TEAD1: variants seen among roughly 807,000 people sequenced by gnomAD.
TEAD1 encodes the protein transcriptional enhancer factor TEF-1.
In TEAD1, 9 loss-of-function variants were observed where a neutral mutation model predicts 54.9. The ratio of observed to expected loss-of-function variants is 0.16; its 90% CI spans 0.10 to 0.29. TEAD1 has a LOEUF of 0.29. TEAD1 is among the 10% of genes least tolerant of loss of function. The probability of loss-of-function intolerance (pLI) is 1.00; values close to 1 mark genes in which losing one functional copy is unlikely to be tolerated. For missense variants in TEAD1, 387 were observed against 535.9 expected, an observed-to-expected ratio of 0.72 and a Z score of 2.74; for synonymous variants, 200 against 187.8, an observed-to-expected ratio of 1.07 and a Z score of -0.53.
intron 3 of TEAD1, among the ~76,000 whole-genome samples, chr11:12,824,792 G>T (rs768783984): frequency 2.0e-5 from 3 of 152,154 alleles, no homozygotes; most frequent in Non-Finnish European, 2.9e-5. Context: ...CGGGCTCCTG[G>T]CCTGGCAGAA....
chr11:12,839,740 C>T (rs2134031299), intron 3 of TEAD1, among the ~76,000 whole-genome samples: 1 of 152,196 alleles, frequency 6.6e-6, no homozygotes, highest in African/African-American at 2.4e-5. Flanking sequence ...GGGTTTGTTT[C>T]AGTTGGATAT....
intron 2 of TEAD1, among the ~76,000 whole-genome samples, chr11:12,688,486 C>G (rs1033080317): frequency 3.9e-5 from 6 of 152,182 alleles, no homozygotes; most frequent in African/African-American, 1.4e-4. Context: ...TTCCCCGCTT[C>G]CCAACTTGCT....
intron 3 of TEAD1, among the ~76,000 whole-genome samples, chr11:12,793,371 C>A (rs1290088812): frequency 2.0e-5 from 3 of 152,114 alleles, no homozygotes; most frequent in Non-Finnish European, 4.4e-5. Flanking sequence ...ATGGTCATTT[C>A]CTCAGTCTGT....
intron 3 of TEAD1, among the ~76,000 whole-genome samples, chr11:12,831,304 C>G (rs1946775636): frequency 6.6e-6 from 1 of 152,128 alleles, no homozygotes; most frequent in Admixed American, 6.5e-5. Flanking sequence ...TCTCCTGCCC[C>G]CTCTGCCAGC....
chr11:12,887,082 T>G (rs1047755602), intron 9 of TEAD1, among the ~76,000 whole-genome samples: 8 of 6,192 alleles, frequency 1.3e-3, no homozygotes, highest in South Asian at 4.0e-3. Context: ...AGTTTTTTTG[T>G]TTTTTTTTTT....
At chr11:12,730,766 T>C (rs527792522) in intron 2 of TEAD1, among the ~76,000 whole-genome samples, 36 of 129,944 alleles carry the variant, frequency 2.8e-4, no homozygotes, top group African/African-American at 1.0e-3. Context: ...ACTAGTGCAA[T>C]CATGGCTCAC....
chr11:12,861,915 G>A (rs997074508), intron 3 of TEAD1, among the ~76,000 whole-genome samples: 11 of 152,110 alleles, frequency 7.2e-5, no homozygotes, highest in African/African-American at 2.7e-4. Flanking sequence ...GAACCTGGGA[G>A]GCAGAGGTTG....
intron 6 of TEAD1, 97 bp downstream of exon 6, chr11:12,879,939 T>C (rs980244120): frequency 6.3e-7 from 1 of 1,580,170 alleles, no homozygotes; most frequent in African/African-American, 1.3e-5. Flanking sequence ...GTCATGTGGG[T>C]CAGGTATGTG....
intron 2 of TEAD1, among the ~76,000 whole-genome samples, chr11:12,692,362 G>A (rs1443587432): frequency 2.0e-5 from 3 of 152,042 alleles, no homozygotes; most frequent in South Asian, 2.1e-4. Flanking sequence ...AGCTGTATGC[G>A]TTCACAGTGC....
chr11:12,850,869 G>A (rs914762032), intron 3 of TEAD1, among the ~76,000 whole-genome samples: 2 of 152,184 alleles, frequency 1.3e-5, no homozygotes, highest in Non-Finnish European at 1.5e-5. Flanking sequence ...GTGGCTTGGG[G>A]AAGTGGCAGG....
chr11:12,869,450 T>C (rs1947693870), intron 5 of TEAD1, among the ~76,000 whole-genome samples: 1 of 152,210 alleles, frequency 6.6e-6, no homozygotes, highest in Non-Finnish European at 1.5e-5. Flanking sequence ...ATAAGTTCTG[T>C]CCTTATGAAG....
intron 11 of TEAD1, among the ~76,000 whole-genome samples, chr11:12,928,922 G>C (rs1320153798): frequency 6.6e-6 from 1 of 152,128 alleles, no homozygotes; most frequent in African/African-American, 2.4e-5. Context: ...CAGCGCCTTG[G>C]TATTAACTGT....
At chr11:12,681,800 A>G (rs1943228622) in intron 2 of TEAD1, among the ~76,000 whole-genome samples, 1 of 152,210 alleles carries the variant, frequency 6.6e-6, no homozygotes, top group Non-Finnish European at 1.5e-5. Flanking sequence ...TCACCTTTCC[A>G]GGCCCTGCAC....
At chr11:12,870,857 G>A (rs945792338) in intron 5 of TEAD1, among the ~76,000 whole-genome samples, 3 of 152,180 alleles carry the variant, frequency 2.0e-5, no homozygotes, top group Admixed American at 1.3e-4. Flanking sequence ...CTGTACCCCA[G>A]CCTGGGCAAC....
intron 10 of TEAD1, among the ~76,000 whole-genome samples, chr11:12,920,797 C>A (rs1252068302): frequency 6.6e-6 from 1 of 152,264 alleles, no homozygotes; most frequent in Admixed American, 6.5e-5. Flanking sequence ...TCTAATGCAC[C>A]TTTTCTGCTC....
intron 3 of TEAD1, among the ~76,000 whole-genome samples, chr11:12,781,989 A>AG (rs962911534): frequency 2.2e-5 from 3 of 133,702 alleles, no homozygotes; most frequent in African/African-American, 1.2e-4. Context: ...AAAAAGAAAA[A>AG]GAAAAAAAAA....
intron 2 of TEAD1, among the ~76,000 whole-genome samples, chr11:12,755,609 T>A (rs1355165231): frequency 6.6e-6 from 1 of 152,210 alleles, no homozygotes; most frequent in Admixed American, 6.5e-5. Context: ...TGCTAACAGT[T>A]GGGACGTTTG....
intron 10 of TEAD1, among the ~76,000 whole-genome samples, chr11:12,904,547 C>A (rs1948484273): frequency 6.6e-6 from 1 of 152,188 alleles, no homozygotes; most frequent in Non-Finnish European, 1.5e-5. Context: ...TGCTTGTTGA[C>A]TTTTGATATA....
chr11:12,723,701 C>T (rs1390048142), intron 2 of TEAD1, among the ~76,000 whole-genome samples: 3 of 152,150 alleles, frequency 2.0e-5, no homozygotes, highest in Non-Finnish European at 4.4e-5. Context: ...AGCTTTTAGT[C>T]ATGCTCCTTC....
Sources: allele counts gnomAD v4.1 joint callset (sites outside exome capture counted in the v4.1 genomes callset), GRCh38; gene constraint gnomAD v4.1.1; transcripts MANE v1.5; gene names NCBI Gene and HGNC (gene_info 2026-07-23, HGNC 2026-07-21).